SFPQ: variants seen among roughly 807,000 people sequenced by gnomAD.
SFPQ encodes the protein splicing factor proline and glutamine rich, also known as splicing factor, proline- and glutamine-rich.
A neutral mutation model predicts 72.9 loss-of-function variants in SFPQ; 11 were observed. The observed-to-expected ratio is 0.15, with a 90% CI of 0.09 to 0.25. The LOEUF is 0.25. Ranked by LOEUF, SFPQ falls within the 10% of genes least tolerant of loss-of-function variation. The pLI is 1.00. For missense variants in SFPQ, 847 were observed against 993.3 expected (o/e 0.85, Z 1.98); for synonymous variants, 506 against 367.3 (o/e 1.38, Z -4.32).
chr1:35,192,091 GC>G (rs1247466893), intron 1 of SFPQ, 130 bp downstream of exon 1: 4 of 685,412 alleles, frequency 5.8e-6, no homozygotes, highest in East Asian at 7.6e-5. Flanking sequence ...AGGCCGCCCC[GC>G]CCCCGCAGCG....
Position 35,183,055 on chromosome 1 carries a change from T to C in SFPQ, c.*1401A>G, listed in dbSNP as rs1639536349. 1.9e-6 allele frequency: 2 copies of C among 1,032,598 alleles called. No individual in the cohort carries two copies. The highest frequency in any genetic ancestry group is 5.7e-5 in the Admixed American group (1 of 17,502). 64.0% of individuals were successfully genotyped at this position (1,032,598 alleles called of 1,614,324 possible). A position where few individuals can be genotyped will look rare whatever the true frequency, so the allele number is the denominator to read the frequency against. Reference sequence around the variant, plus strand: ...ATGTGAAAACAAGTTAAATTTACAATAAGAATGATTATCTGCAACCCTATT... The same window carrying C: ...ATGTGAAAACAAGTTAAATTTACAACAAGAATGATTATCTGCAACCCTATT... On this transcript the variant is annotated 3_prime_UTR_variant, in exon 10 of 10. Transcript: ENST00000357214.
At chr1:35,192,104 C>G (rs1640037290) in intron 1 of SFPQ, 118 bp downstream of exon 1, 14 of 846,862 alleles carry the variant, frequency 1.7e-5, no homozygotes, top group Non-Finnish European at 2.2e-5. Flanking sequence ...CCCGCAGCGG[C>G]GCGCGCAAGC....
At chr1:35,180,776 G>A, downstream of SFPQ, 1 of 1,062,118 alleles carries the variant, frequency 9.4e-7, no homozygotes, top group Non-Finnish European at 1.1e-6. Flanking sequence ...TACGGTCCAT[G>A]TCAAGGTGCT....
chr1:35,191,317 G>A lies in SFPQ; in HGVS notation c.1017+24C>T, dbSNP rs557912945. ...AATCCCCCACCCTTTTTAATTCTAC[G>A]TAAAATCAAACAATTACACTCACAA... On this transcript the variant is annotated intron_variant, in intron 2 of 9. Coordinates refer to ENST00000357214, the MANE Select transcript of SFPQ (RefSeq NM_005066.3). The A allele has an allele frequency of 2.5e-6, 4 of 1,601,838 alleles. No individual in the cohort carries two copies. The Admixed American group carries it at 6.8e-5, about 27-fold the overall frequency.
chr1:35,182,137 A>G, downstream of SFPQ: 1 of 985,378 alleles, frequency 1.0e-6, no homozygotes, highest in Non-Finnish European at 1.2e-6. Context: ...CATTAATTTT[A>G]TAGGCAGATT....
intron 4 of SFPQ, 62 bp from the exon 5 acceptor site, chr1:35,189,444 C>T: frequency 1.6e-6 from 2 of 1,289,668 alleles, no homozygotes; most frequent in East Asian, 2.4e-5. Flanking sequence ...AAATACTTGC[C>T]CTAGTACTGA....
At chr1:35,177,571 G>A (rs1213210782) in intron 4 of SFPQ, 2 of 146,054 alleles carry the variant, frequency 1.4e-5, no homozygotes, top group African/African-American at 5.0e-5. Context: ...CTGGGCTCAA[G>A]CAATCCTCCC....
In SFPQ at chr1:35,192,264, G is replaced by A; in HGVS notation, c.786C>T (p.Gly262=). ...HQQHHQGPPP[G]GPGGRSEEKI... ...TCTCCTCGCTGCGGCCGCCGGGCCC[G>A]CCGGGCGGGGGCCCCTGGTGATGCT... is the stretch of plus-strand genomic sequence containing the variant. Residue 262 remains glycine, a synonymous_variant, in exon 1 of 10, where the codon GGC becomes GGT. Transcript: ENST00000357214. 2 of 1,462,740 alleles carry A rather than the reference G, an allele frequency of 1.4e-6. No individual in the cohort carries two copies. The highest frequency in any genetic ancestry group is 1.8e-6 in the Non-Finnish European group (2 of 1,114,814). The allele number at this position is 1,462,740 out of a possible 1,614,324, so 90.6% of individuals were successfully genotyped here.
intron 9 of SFPQ, among the ~76,000 whole-genome samples, chr1:35,186,482 G>C (rs762482560): frequency 6.6e-5 from 10 of 152,184 alleles, no homozygotes; most frequent in Non-Finnish European, 1.3e-4. Context: ...CAACAGGTGG[G>C]AAACGACGAG....
rs758604468 is a variant in SFPQ at position 35,184,413 on chromosome 1, C to CAA, written c.*41_*42dup. The CAA allele has an allele frequency of 1.1e-5, 18 of 1,590,220 alleles. No homozygotes were observed. The African/African-American group carries it at 2.1e-4, about 18-fold the overall frequency. On this transcript the variant is annotated 3_prime_UTR_variant, in exon 10 of 10. Transcript: ENST00000357214. ...AGAATTTAAAAGATTGGTATCTAAA[C>CAA]AAAAAAACAAAACAAACTGGAATGA...
Position 35,184,337 on chromosome 1 carries a change from G to A in SFPQ, c.*119C>T. On this transcript the variant is annotated 3_prime_UTR_variant, in exon 10 of 10. Coordinates refer to ENST00000357214, the MANE Select transcript of SFPQ (RefSeq NM_005066.3). ...CAAACAGACCATTTACAAATATTAG[G>A]TCAATAAACTGCTAACATCCATAAA... is the stretch of plus-strand genomic sequence containing the variant. 1 of 1,523,484 alleles carries A rather than the reference G, an allele frequency of 6.6e-7. No homozygotes were observed. The highest frequency in any genetic ancestry group is 8.7e-7 in the Non-Finnish European group (1 of 1,144,296). 94.4% of individuals were successfully genotyped at this position (1,523,484 alleles called of 1,614,324 possible).
chr1:35,186,763 A>G (rs1425237908), intron 9 of SFPQ, among the ~76,000 whole-genome samples: 1 of 152,160 alleles, frequency 6.6e-6, no homozygotes, highest in Non-Finnish European at 1.5e-5. Flanking sequence ...GTAATTCCAC[A>G]TAATACTAAC....
chr1:35,185,200 C>T (rs1639647190), intron 9 of SFPQ, among the ~76,000 whole-genome samples: 1 of 152,198 alleles, frequency 6.6e-6, no homozygotes, highest in East Asian at 1.9e-4. Context: ...GTCACTTAAC[C>T]GGCACAGTAA....
chr1:35,183,483 C>A lies in SFPQ; in HGVS notation c.*973G>T. ...TTGCCCACCTCAGCCTCCCAAAGTGCTGGGATTACAGGCGTGAGCCACCGC... is the reference window on the plus strand; with the variant it reads ...TTGCCCACCTCAGCCTCCCAAAGTGATGGGATTACAGGCGTGAGCCACCGC... On this transcript the variant is annotated 3_prime_UTR_variant, in exon 10 of 10. Coordinates refer to ENST00000357214, the MANE Select transcript of SFPQ (RefSeq NM_005066.3). 9 of 863,620 alleles carry A rather than the reference C, an allele frequency of 1.0e-5. No individual in the cohort carries two copies. The highest frequency in any genetic ancestry group is 1.3e-5 in the Non-Finnish European group (9 of 711,036). 53.5% of individuals were successfully genotyped at this position (863,620 alleles called of 1,614,324 possible). A position where few individuals can be genotyped will look rare whatever the true frequency, so the allele number is the denominator to read the frequency against.
At position 35,187,975 on chromosome 1, in the gene SFPQ, G is replaced by C. The variant is rs1490021519; in HGVS notation, c.1813C>G (p.Pro605Ala). 2 of 1,607,090 alleles carry C rather than the reference G, an allele frequency of 1.2e-6. No individual in the cohort carries two copies. Among genetic ancestry groups the C allele is most frequent in the Non-Finnish European group, 1.7e-6 (2 of 1,173,698 alleles). Residue 605 changes from proline to alanine, a missense_variant and splice_region_variant, in exon 7 of 10, where the codon CCA becomes GCA. Physicochemically the swap from Pro to Ala is conservative, Grantham distance 27 (BLOSUM62 -1). Transcript: ENST00000357214. ...ESYSRMGYMD[P>A]RERDMRMGGG... ...GAAGGCAGTAAAGGCTGACTTACTG[G>C]ATCCATGTAGCCCATTCGGCTGTAA...
chr1:35,181,668 A>G (rs1639473619), downstream of SFPQ: 1 of 1,060,798 alleles, frequency 9.4e-7, no homozygotes, highest in Non-Finnish European at 1.1e-6. Context: ...AAATTATGAG[A>G]AAGTGGAGAA....
chr1:35,178,047 A>G (rs1056785291), downstream of SFPQ: 19 of 1,287,176 alleles, frequency 1.5e-5, no homozygotes, highest in South Asian at 6.8e-5. Flanking sequence ...CTAAAGAATA[A>G]TAAGAAAAAG....
At chr1:35,186,900 G>A (rs1014852655) in intron 9 of SFPQ, 101 bp downstream of exon 9, 3 of 1,178,104 alleles carry the variant, frequency 2.5e-6, no homozygotes, top group Admixed American at 2.3e-5. Flanking sequence ...ACTAAAAGAG[G>A]TCCAGTCACC....
intron 8 of SFPQ, 24 bp downstream of exon 8, chr1:35,187,174 TATATC>T: frequency 1.2e-6 from 2 of 1,614,034 alleles, no homozygotes; most frequent in Non-Finnish European, 1.7e-6. Flanking sequence ...ACTCTCTACT[TATATC>T]ATTAATTTAA....
Sources: allele counts gnomAD v4.1 joint callset (sites outside exome capture counted in the v4.1 genomes callset), GRCh38; gene constraint gnomAD v4.1.1; transcripts MANE v1.5; gene names NCBI Gene and HGNC (gene_info 2026-07-23, HGNC 2026-07-21).